Variants in NTRK3 observed in about 807,000 individuals in gnomAD.
NTRK3 encodes the protein neurotrophic receptor tyrosine kinase 3, also known as NT-3 growth factor receptor.
In NTRK3, 24 loss-of-function variants were observed where a neutral mutation model predicts 91.7. The ratio of observed to expected loss-of-function variants is 0.26; its 90% CI spans 0.19 to 0.37. NTRK3 has a LOEUF of 0.37. NTRK3 is among the 10% of genes least tolerant of loss of function. NTRK3 has a pLI of 1.00. For missense variants in NTRK3, 880 were observed against 1,068.9 expected, an observed-to-expected ratio of 0.82 and a Z score of 2.46; for synonymous variants, 483 against 404.0, an observed-to-expected ratio of 1.20 and a Z score of -2.34.
At chr15:87,880,020 A>T (rs145678198) in intron 18 of NTRK3, among the ~76,000 whole-genome samples, 1 of 152,276 alleles carries the variant, frequency 6.6e-6, no homozygotes, top group Non-Finnish European at 1.5e-5. Context: ...AGGGTAGCAG[A>T]TTTAACAGAG....
intron 14 of NTRK3, among the ~76,000 whole-genome samples, chr15:88,026,503 G>A (rs898292678): frequency 1.1e-4 from 16 of 152,092 alleles, no homozygotes; most frequent in Admixed American, 3.3e-4. Context: ...AACAGATGGA[G>A]GACAGCGGAC....
At chr15:87,975,299 A>C (rs139322348) in intron 14 of NTRK3, among the ~76,000 whole-genome samples, 1 of 152,036 alleles carries the variant, frequency 6.6e-6, no homozygotes, top group Non-Finnish European at 1.5e-5. Context: ...GGTACAGTTG[A>C]GTTTCTCATT....
chr15:88,158,499 C>A (rs903119775), intron 5 of NTRK3, among the ~76,000 whole-genome samples: 12 of 152,196 alleles, frequency 7.9e-5, no homozygotes, highest in Admixed American at 7.8e-4. Context: ...GGTCCTCACC[C>A]TGAGGTCTAT....
intron 13 of NTRK3, among the ~76,000 whole-genome samples, chr15:88,082,572 C>T (rs2048150740): frequency 6.6e-6 from 1 of 152,176 alleles, no homozygotes; most frequent in South Asian, 2.1e-4. Context: ...ATTAGTTTTG[C>T]TTATTTCTGA....
At chr15:87,995,513 T>C (rs1411009359) in intron 14 of NTRK3, among the ~76,000 whole-genome samples, 1 of 152,088 alleles carries the variant, frequency 6.6e-6, no homozygotes, top group Non-Finnish European at 1.5e-5. Flanking sequence ...CAAGACACAC[T>C]TGGGGAAGTG....
intron 17 of NTRK3, among the ~76,000 whole-genome samples, chr15:87,888,693 T>C (rs2065684753): frequency 6.6e-6 from 1 of 152,176 alleles, no homozygotes; most frequent in African/African-American, 2.4e-5. Context: ...AATTTGACTT[T>C]CAGTTGAACA....
At chr15:88,179,276 T>C (rs1460426806) in intron 5 of NTRK3, among the ~76,000 whole-genome samples, 1 of 152,222 alleles carries the variant, frequency 6.6e-6, no homozygotes, top group African/African-American at 2.4e-5. Context: ...ACTTTTTAAA[T>C]TGCTTCTGTG....
intron 14 of NTRK3, chr15:87,977,354 G>A (rs1222550353): frequency 1.1e-5 from 2 of 187,886 alleles, no homozygotes; most frequent in African/African-American, 4.7e-5. Context: ...TAAGAGGTCT[G>A]ATTCAGTCAT....
rs187849753 is a variant in NTRK3 at position 88,086,091 on chromosome 15, C to T, written c.1396+40180G>A. ...AGACTTCATAGGTAGGAGAGGTGTC[C>T]GATGCCTGGATCCTAAGACATAACC... On this transcript the variant is annotated intron_variant, in intron 13 of 18. Coordinates refer to ENST00000394480, the Ensembl canonical transcript of NTRK3. 2.3e-3 allele frequency among the ~76,000 whole-genome samples: 352 copies of T among 152,272 alleles called. 1 individual carries two copies. The highest frequency in any genetic ancestry group is 8.0e-3 in the African/African-American group (332 of 41,562).
At chr15:88,137,692 A>C in intron 6 of NTRK3, 131 bp from the exon 7 acceptor site, 1 of 877,268 alleles carries the variant, frequency 1.1e-6, no homozygotes, top group African/African-American at 1.7e-5. Flanking sequence ...CAAGGTTACA[A>C]AAGAAGTGGA....
At chr15:88,155,993 C>A (rs925667004) in intron 5 of NTRK3, among the ~76,000 whole-genome samples, 4 of 152,182 alleles carry the variant, frequency 2.6e-5, no homozygotes, top group African/African-American at 4.8e-5. Flanking sequence ...TTAGAAGACA[C>A]GGCTCTGGAC....
intron 5 of NTRK3, among the ~76,000 whole-genome samples, chr15:88,178,013 T>C (rs958088152): frequency 5.9e-5 from 9 of 152,240 alleles, no homozygotes; most frequent in Admixed American, 4.6e-4. Context: ...TGAACCCTGA[T>C]CTTTCTATCT....
At chr15:88,218,286 A>C (rs1347833599) in intron 3 of NTRK3, among the ~76,000 whole-genome samples, 1 of 152,150 alleles carries the variant, frequency 6.6e-6, no homozygotes, top group East Asian at 1.9e-4. Context: ...CCTCCTAAAG[A>C]GAAATAAACA....
chr15:87,909,211 C>T (rs1454787992), intron 17 of NTRK3, among the ~76,000 whole-genome samples: 1 of 152,064 alleles, frequency 6.6e-6, no homozygotes, highest in African/African-American at 2.4e-5. Flanking sequence ...ATTTGTGTTC[C>T]CCCTCACCAC....
chr15:88,098,611 G>A (rs567450503), intron 13 of NTRK3: 36 of 230,820 alleles, frequency 1.6e-4, no homozygotes, highest in South Asian at 5.5e-4. Flanking sequence ...GGCCAGCTAT[G>A]GCGAGGTTGG....
In NTRK3 at chr15:88,049,995, T is replaced by C. The variant is rs917496625; in HGVS notation, c.1397-16950A>G. 2.0e-5 allele frequency among the ~76,000 whole-genome samples: 3 copies of C among 152,184 alleles called. No homozygotes were observed. The East Asian group carries it at 5.8e-4, about 29-fold the overall frequency. ...TTCACACTCAACAATTTTAGAAACATATCTGTTGGGAAACTCTGAATGGGC... is the reference window on the plus strand; with the variant it reads ...TTCACACTCAACAATTTTAGAAACACATCTGTTGGGAAACTCTGAATGGGC... On this transcript the variant is annotated intron_variant, in intron 13 of 18. Transcript: ENST00000394480.
intron 13 of NTRK3, among the ~76,000 whole-genome samples, chr15:88,100,111 C>T (rs1292260321): frequency 6.6e-6 from 1 of 152,176 alleles, no homozygotes; most frequent in Non-Finnish European, 1.5e-5. Flanking sequence ...TTGAAGCTCA[C>T]TCCTCACTCC....
chr15:88,177,681 T>C (rs778612753), intron 5 of NTRK3, among the ~76,000 whole-genome samples: 2 of 152,158 alleles, frequency 1.3e-5, no homozygotes, highest in African/African-American at 4.8e-5. Flanking sequence ...GACTGGGGCA[T>C]GCAAGTAGGC....
chr15:88,256,431 G>C, exon 2 of NTRK3: 1 of 544,528 alleles, frequency 1.8e-6, no homozygotes, highest in Non-Finnish European at 3.2e-6. Flanking sequence ...CTCGGCGATC[G>C]CTGACTCGCC....
Sources: gnomAD v4.1 joint callset for allele counts (sites outside exome capture counted in the v4.1 genomes callset) on GRCh38, gnomAD v4.1.1 for gene constraint, MANE v1.5 for transcripts, NCBI Gene and HGNC (gene_info 2026-07-23, HGNC 2026-07-21) for gene names.